Variants in LARP4B observed in about 807,000 individuals in gnomAD.
LARP4B encodes the protein la-related protein 4B.
In LARP4B, 12 loss-of-function variants were observed where a neutral mutation model predicts 89.8. That is an observed-to-expected ratio of 0.13 (90% CI 0.09 to 0.22). LARP4B has a LOEUF of 0.22. Among genes scored for constraint, LARP4B ranks in the 10% least tolerant of loss-of-function variants. LARP4B has a pLI of 1.00. For missense variants in LARP4B, 757 were observed against 947.7 expected, an observed-to-expected ratio of 0.80 and a Z score of 2.64; for synonymous variants, 367 against 363.3, an observed-to-expected ratio of 1.01 and a Z score of -0.12.
chr10:877,088 G>A (rs1835486522), intron 3 of LARP4B, among the ~76,000 whole-genome samples: 1 of 152,196 alleles, frequency 6.6e-6, no homozygotes. Flanking sequence ...CCTGTGGAGG[G>A]CCCCCAGTGC....
chr10:905,964 C>A (rs1387803971), intron 1 of LARP4B, among the ~76,000 whole-genome samples: 1 of 152,220 alleles, frequency 6.6e-6, no homozygotes, highest in African/African-American at 2.4e-5. Context: ...TGCTCTTCTG[C>A]ACTAAGTAGG....
At position 839,722 on chromosome 10, in the gene LARP4B, T is replaced by C. The variant is rs528762927; in HGVS notation, c.646+3210A>G. ...GCCAACCGTAAAATGGTCCAACCAC[T>C]TTGGAAAACAGGCAGGTGGTTTCAC... On this transcript the variant is annotated intron_variant, in intron 7 of 17. Coordinates refer to ENST00000316157, the MANE Select transcript of LARP4B (RefSeq NM_015155.3). Among the ~76,000 whole-genome samples the C allele has an allele frequency of 2.4e-4, 37 of 152,310 alleles. No individual in the cohort carries two copies. In the South Asian group the frequency reaches 7.7e-3, roughly 32 times the overall value.
chr10:931,322 G>A (rs1830599741), intron 1 of LARP4B, 106 bp downstream of exon 1: 4 of 151,438 alleles, frequency 2.6e-5, no homozygotes, highest in South Asian at 3.5e-4. Context: ...GGCCCTGCCC[G>A]CCGCGGCCGC....
At chr10:889,252 T>C (rs34527494) in intron 1 of LARP4B, among the ~76,000 whole-genome samples, 16,887 of 152,206 alleles carry the variant, frequency 0.11, 1,190 homozygotes, top group Non-Finnish European at 0.16. Context: ...ATTGATTCAT[T>C]CATTTCTCAA....
chr10:888,257 G>C (rs1835919833), intron 1 of LARP4B, among the ~76,000 whole-genome samples: 1 of 152,010 alleles, frequency 6.6e-6, no homozygotes, highest in Admixed American at 6.6e-5. Context: ...GAGAGACAGA[G>C]GTTGCAGTGA....
the LARP4B span, among the ~76,000 whole-genome samples, chr10:951,953 G>A: frequency 1.3e-5 from 2 of 148,168 alleles, no homozygotes; most frequent in Non-Finnish European, 3.0e-5. Flanking sequence ...GGAAGAAATC[G>A]CAGCAGCCCA....
the LARP4B span, among the ~76,000 whole-genome samples, chr10:944,019 A>C: frequency 3.3e-5 from 5 of 152,348 alleles, no homozygotes; most frequent in African/African-American, 1.2e-4. Context: ...AAGCGGTCTT[A>C]CTGGTGCATA....
chr10:934,975 C>T (rs1830728383), upstream of LARP4B, among the ~76,000 whole-genome samples: 1 of 152,160 alleles, frequency 6.6e-6, no homozygotes, highest in Non-Finnish European at 1.5e-5. Flanking sequence ...CGACCTTCAC[C>T]GGCTCCCCGT....
the LARP4B span, among the ~76,000 whole-genome samples, chr10:954,785 GC>G: frequency 1.3e-5 from 2 of 149,516 alleles, no homozygotes; most frequent in East Asian, 4.0e-4. This position sits in a 1 kb window ranked among gnomAD's most constrained non-coding sequence, Gnocchi z 5.0. Flanking sequence ...CCCCAGGACA[GC>G]TCCCATCCAC....
intron 14 of LARP4B, 192 bp from the exon 15 acceptor site, chr10:818,081 T>A (rs927402974): frequency 1.8e-6 from 1 of 547,292 alleles, no homozygotes; most frequent in Non-Finnish European, 3.2e-6. Context: ...AACTGAAATC[T>A]CAAGGATGCT....
the LARP4B span, among the ~76,000 whole-genome samples, chr10:978,012 A>G: frequency 3.5e-4 from 53 of 152,242 alleles, no homozygotes; most frequent in Middle Eastern, 6.8e-3. Context: ...CCCATAGGCT[A>G]TTTCTATAGA....
chr10:944,575 G>A, the LARP4B span, among the ~76,000 whole-genome samples: 8 of 152,238 alleles, frequency 5.3e-5, no homozygotes, highest in African/African-American at 9.6e-5. Flanking sequence ...CTCAGCCAGC[G>A]CTGGGGAAAC....
chr10:947,464 G>A, the LARP4B span, among the ~76,000 whole-genome samples: 3 of 152,140 alleles, frequency 2.0e-5, no homozygotes, highest in Admixed American at 6.5e-5. Flanking sequence ...CAGAAAGGAC[G>A]AAAGAAGTGA....
intron 1 of LARP4B, among the ~76,000 whole-genome samples, chr10:917,991 C>A (rs927045109): frequency 6.6e-6 from 1 of 152,072 alleles, no homozygotes; most frequent in Admixed American, 6.6e-5. Flanking sequence ...CCAGCCTTAA[C>A]CATTGTGTTT....
intron 8 of LARP4B, among the ~76,000 whole-genome samples, chr10:832,769 A>G (rs1481918257): frequency 1.3e-5 from 2 of 152,238 alleles, no homozygotes; most frequent in Non-Finnish European, 2.9e-5. Flanking sequence ...CAAACATACT[A>G]AAGCTGAAAA....
At chr10:913,548 T>C (rs1341480335) in intron 1 of LARP4B, among the ~76,000 whole-genome samples, 2 of 152,242 alleles carry the variant, frequency 1.3e-5, no homozygotes, top group Admixed American at 6.5e-5. Flanking sequence ...TTCATTTAAC[T>C]CTAGGGTTTC....
intron 1 of LARP4B, among the ~76,000 whole-genome samples, chr10:910,943 G>C (rs1165080605): frequency 6.6e-6 from 1 of 152,210 alleles, no homozygotes. Context: ...GTTAGGGACA[G>C]TCCAAGTCAC....
At chr10:921,060 G>A (rs1432343795) in intron 1 of LARP4B, among the ~76,000 whole-genome samples, 1 of 152,134 alleles carries the variant, frequency 6.6e-6, no homozygotes, top group African/African-American at 2.4e-5. Flanking sequence ...GATCACCTGA[G>A]GTGGGGAGTT....
At chr10:876,272 T>A (rs990263286) in intron 3 of LARP4B, among the ~76,000 whole-genome samples, 3 of 152,004 alleles carry the variant, frequency 2.0e-5, no homozygotes, top group African/African-American at 7.3e-5. Flanking sequence ...TAATCCCAGC[T>A]ACTTGAGAGG....
Sources: allele counts gnomAD v4.1 joint callset (sites outside exome capture counted in the v4.1 genomes callset), GRCh38; gene constraint gnomAD v4.1.1; non-coding constraint Gnocchi (gnomAD v3.1); transcripts MANE v1.5; gene names NCBI Gene and HGNC (gene_info 2026-07-23, HGNC 2026-07-21).